GALNT13: variants seen among roughly 807,000 people sequenced by gnomAD.
The protein encoded by GALNT13 is UDP-GalNAc:polypeptide N-acetylgalactosaminyltransferase 13.
GALNT13 carries 28 observed loss-of-function variants against 64.2 expected under a neutral mutation model. The ratio of observed to expected loss-of-function variants is 0.44; its 90% CI spans 0.32 to 0.60. The LOEUF (loss-of-function observed/expected upper bound fraction) is 0.60. Ranked by LOEUF, GALNT13 falls within the 20% of genes least tolerant of loss-of-function variation. The pLI, the probability that GALNT13 is intolerant of heterozygous loss-of-function variation, is 0.05. For missense variants in GALNT13, 577 were observed against 669.8 expected, an observed-to-expected ratio of 0.86 and a Z score of 1.53; for synonymous variants, 214 against 224.6, an observed-to-expected ratio of 0.95 and a Z score of 0.42.
the GALNT13 span, among the ~76,000 whole-genome samples, chr2:153,312,953 G>C: frequency 6.6e-6 from 1 of 152,028 alleles, no homozygotes; most frequent in Non-Finnish European, 1.5e-5. Context: ...TTGATATTGG[G>C]CATCAAATAA....
chr2:153,254,525 TG>T, the GALNT13 span, among the ~76,000 whole-genome samples: 1 of 152,222 alleles, frequency 6.6e-6, no homozygotes, highest in East Asian at 1.9e-4. Context: ...TGAATATGTT[TG>T]CCCTTGCTTT....
chr2:153,858,343 T>G, the GALNT13 span, among the ~76,000 whole-genome samples: 1 of 152,198 alleles, frequency 6.6e-6, no homozygotes, highest in African/African-American at 2.4e-5. Context: ...TGATATTTAC[T>G]CAGACTAAGA....
At chr2:153,664,259 C>T in the GALNT13 span, among the ~76,000 whole-genome samples, 5 of 152,258 alleles carry the variant, frequency 3.3e-5, no homozygotes, top group Admixed American at 3.3e-4. Context: ...ATATACCCAC[C>T]CCTGGGAATG....
intron 3 of GALNT13, among the ~76,000 whole-genome samples, chr2:154,028,252 CTTA>C (rs1272750364): frequency 1.3e-5 from 2 of 152,084 alleles, no homozygotes; most frequent in African/African-American, 2.4e-5. Context: ...TACATTAAGG[CTTA>C]TTATTTTGCC....
chr2:154,265,696 T>C (rs1690958603), intron 8 of GALNT13, among the ~76,000 whole-genome samples: 1 of 152,060 alleles, frequency 6.6e-6, no homozygotes, highest in African/African-American at 2.4e-5. Flanking sequence ...CAAAACTCTG[T>C]CTCAAAACAA....
chr2:153,766,446 T>C, the GALNT13 span, among the ~76,000 whole-genome samples: 1 of 152,174 alleles, frequency 6.6e-6, no homozygotes, highest in Admixed American at 6.5e-5. Flanking sequence ...TCTTTAAACA[T>C]GTTTTCTGGC....
chr2:153,551,321 A>G, the GALNT13 span, among the ~76,000 whole-genome samples: 17 of 152,188 alleles, frequency 1.1e-4, no homozygotes, highest in Non-Finnish European at 4.4e-5. Flanking sequence ...CATGCCTACT[A>G]CAGGAACCAA....
the GALNT13 span, among the ~76,000 whole-genome samples, chr2:153,077,754 G>A: frequency 6.6e-6 from 1 of 152,186 alleles, no homozygotes; most frequent in South Asian, 2.1e-4. Context: ...TGAATAGGTA[G>A]CAATTCATGA....
chr2:154,235,934 T>A, intron 4 of GALNT13: 1 of 351,864 alleles, frequency 2.8e-6, no homozygotes. Flanking sequence ...TAAATAGGAA[T>A]ACTATTTCAC....
the GALNT13 span, among the ~76,000 whole-genome samples, chr2:153,397,763 T>C: frequency 6.6e-6 from 1 of 152,106 alleles, no homozygotes; most frequent in South Asian, 2.1e-4. Flanking sequence ...CTATTCGGTC[T>C]TCCATCCTAG....
At chr2:153,535,177 G>T in the GALNT13 span, among the ~76,000 whole-genome samples, 2 of 152,062 alleles carry the variant, frequency 1.3e-5, no homozygotes, top group African/African-American at 4.8e-5. Flanking sequence ...AGAAACATTT[G>T]CCGTATAGAA....
the GALNT13 span, among the ~76,000 whole-genome samples, chr2:153,180,539 T>C: frequency 6.6e-6 from 1 of 152,188 alleles, no homozygotes; most frequent in African/African-American, 2.4e-5. Context: ...GCTGGCCTTA[T>C]AGAATGTTTT....
the GALNT13 span, among the ~76,000 whole-genome samples, chr2:153,253,184 A>G: frequency 1.3e-5 from 2 of 150,136 alleles, no homozygotes; most frequent in Non-Finnish European, 3.0e-5. Context: ...GGTCCTTCAC[A>G]TCCCTTGTAA....
chr2:154,038,000 TAGTC>T (rs1312946500), intron 3 of GALNT13, among the ~76,000 whole-genome samples: 1 of 151,988 alleles, frequency 6.6e-6, no homozygotes, highest in Non-Finnish European at 1.5e-5. Flanking sequence ...TTTTTAAAAT[TAGTC>T]AGGCCTGGTG....
intron 9 of GALNT13, among the ~76,000 whole-genome samples, chr2:154,391,009 C>G (rs1400295032): frequency 6.6e-6 from 1 of 152,168 alleles, no homozygotes; most frequent in Non-Finnish European, 1.5e-5. Flanking sequence ...CAGTAAATAT[C>G]TGTTACCTTA....
chr2:154,065,736 A>G (rs1351232758), intron 3 of GALNT13, among the ~76,000 whole-genome samples: 1 of 152,180 alleles, frequency 6.6e-6, no homozygotes, highest in Non-Finnish European at 1.5e-5. Context: ...TCAAAATCAT[A>G]GGAAGTCTTC....
the GALNT13 span, among the ~76,000 whole-genome samples, chr2:153,552,912 C>T: frequency 6.6e-5 from 10 of 152,038 alleles, no homozygotes; most frequent in Admixed American, 1.3e-4. Context: ...CTAATGCTGC[C>T]GCTGATCTGA....
chr2:153,373,388 T>G, the GALNT13 span, among the ~76,000 whole-genome samples: 1 of 152,168 alleles, frequency 6.6e-6, no homozygotes, highest in Admixed American at 6.5e-5. Flanking sequence ...ATGTGAAAAC[T>G]GGAAAGCTGA....
chr2:154,450,533 C>G lies in GALNT13; in HGVS notation c.1653C>G (p.Asn551Lys). 1 of 1,609,118 alleles carries G rather than the reference C, an allele frequency of 6.2e-7. No individual in the cohort carries two copies. Among genetic ancestry groups the G allele is most frequent in the South Asian group, 1.1e-5 (1 of 90,370 alleles). The change falls in exon 13 of 13, where the codon AAC becomes AAG. Residue 551 changes from asparagine (N) to lysine (K), a missense_variant. Transcript: ENST00000392825. Reference protein sequence around the residue: ...GSRSQQWLLRNMTLGT With the variant: ...GSRSQQWLLRKMTLGT ...GATCCCAACAGTGGCTGCTAAGGAACATGACCTTGGGCACATGAAGATCAT... is the reference window on the plus strand; with the variant it reads ...GATCCCAACAGTGGCTGCTAAGGAAGATGACCTTGGGCACATGAAGATCAT...
Sources: allele counts gnomAD v4.1 joint callset (sites outside exome capture counted in the v4.1 genomes callset), GRCh38; gene constraint gnomAD v4.1.1; transcripts MANE v1.5; gene names NCBI Gene and HGNC (gene_info 2026-07-23, HGNC 2026-07-21).